Variants in COL6A2 observed in about 807,000 individuals in gnomAD.
COL6A2 encodes the protein collagen type VI alpha 2 chain.
Under a neutral mutation model 124.9 loss-of-function variants are expected in COL6A2, and 90 were observed. The ratio of observed to expected loss-of-function variants is 0.72; its 90% CI spans 0.61 to 0.86. The LOEUF is 0.86. Among genes scored for constraint, COL6A2 ranks in the 40% least tolerant of loss-of-function variants. COL6A2 has a pLI of 0.00. For missense variants in COL6A2, 1,607 were observed against 1,502.5 expected (o/e 1.07, Z -1.15); for synonymous variants, 793 against 618.2 (o/e 1.28, Z -4.19).
intron 1 of COL6A2, among the ~76,000 whole-genome samples, chr21:46,105,761 C>T (rs2123599512): frequency 6.6e-6 from 1 of 152,006 alleles, no homozygotes; most frequent in African/African-American, 2.4e-5. Flanking sequence ...TTAAATGTTT[C>T]ACCATCAAAA....
At chr21:46,112,859 G>C (rs199642692) in intron 4 of COL6A2, 35 bp downstream of exon 4, 1 of 1,613,100 alleles carries the variant, frequency 6.2e-7, no homozygotes, top group Non-Finnish European at 8.5e-7. Flanking sequence ...AGTGCTGGCC[G>C]GCAGCTGACC....
intron 21 of COL6A2, among the ~76,000 whole-genome samples, chr21:46,124,205 G>A (rs2078621796): frequency 6.7e-6 from 1 of 150,024 alleles, no homozygotes; most frequent in African/African-American, 2.4e-5. Flanking sequence ...TGGGTTAGTG[G>A]GTGGCTGGGT....
chr21:46,117,596 A>G, intron 11 of COL6A2, 143 bp downstream of exon 11: 1 of 909,150 alleles, frequency 1.1e-6, no homozygotes, highest in Non-Finnish European at 1.7e-6. Flanking sequence ...CCAGCCCAGC[A>G]TTCTGCCGGG....
At chr21:46,126,478 G>A in intron 26 of COL6A2, 25 bp from the exon 27 acceptor site, 2 of 1,612,842 alleles carry the variant, frequency 1.2e-6, no homozygotes, top group South Asian at 1.1e-5. Context: ...CCCTGGCCTG[G>A]CCCGGCCTCT....
In COL6A2 at chr21:46,116,254, T is replaced by G; in HGVS notation, c.901-123T>G. On this transcript the variant is annotated intron_variant, in intron 7 of 27. Coordinates refer to ENST00000300527, the MANE Select transcript of COL6A2 (RefSeq NM_001849.4). The surrounding 1 kb of genome is among the most constrained non-coding windows in gnomAD (Gnocchi z 4.6). Reference sequence around the variant, plus strand: ...GGGCTCAGCCTCCTCCGCAGACTGTTTGTCGAGAACACTAGATGCCAGCGG... The same window carrying G: ...GGGCTCAGCCTCCTCCGCAGACTGTGTGTCGAGAACACTAGATGCCAGCGG... The G allele has an allele frequency of 1.6e-6, 2 of 1,267,704 alleles. No homozygotes were observed. Among genetic ancestry groups the G allele is most frequent in the Non-Finnish European group, 2.2e-6 (2 of 890,108 alleles). 78.5% of individuals were successfully genotyped at this position (1,267,704 alleles called of 1,614,324 possible).
At chr21:46,128,666 C>G (rs948831820) in intron 27 of COL6A2, among the ~76,000 whole-genome samples, 1 of 152,202 alleles carries the variant, frequency 6.6e-6, no homozygotes, top group Non-Finnish European at 1.5e-5. Context: ...TGCATAGGGG[C>G]CACAGCGTAA....
chr21:46,121,777 G>A (rs1423601355), intron 18 of COL6A2, among the ~76,000 whole-genome samples, 159 bp downstream of exon 18: 2 of 152,120 alleles, frequency 1.3e-5, no homozygotes, highest in African/African-American at 4.8e-5. Flanking sequence ...GATGCCTCCG[G>A]GGTCCAGGAA....
chr21:46,101,862 T>C, intron 1 of COL6A2, among the ~76,000 whole-genome samples: 1 of 147,268 alleles, frequency 6.8e-6, no homozygotes, highest in African/African-American at 2.5e-5. Context: ...TTTTTTTTTT[T>C]TTTTTTTTTT....
At chr21:46,129,792 C>T (rs2078736710) in intron 27 of COL6A2, 1 of 1,251,846 alleles carries the variant, frequency 8.0e-7, no homozygotes, top group African/African-American at 1.5e-5. Context: ...TCGCAAGACC[C>T]TTAACTCACT....
Position 46,126,086 on chromosome 21 carries a change from C to A in COL6A2, c.2271C>A (p.Ile757=). The A allele has an allele frequency of 1.2e-6, 2 of 1,612,866 alleles. No homozygotes were observed. The highest frequency in any genetic ancestry group is 1.7e-6 in the Non-Finnish European group (2 of 1,180,018). Residue 757 remains isoleucine (I), a synonymous_variant, in exon 26 of 28, where the codon ATC becomes ATA. Transcript: ENST00000300527. ...LCDRDVTVTA[I]GIGDMFHEKH... is the part of the protein sequence containing the mutation. The stretch of plus-strand genomic sequence containing the variant: ...ACCGCGACGTCACAGTGACGGCCAT[C>A]GGCATCGGGGACATGTTCCACGAGA...
Position 46,124,578 on chromosome 21 carries a change from C to T in COL6A2, c.1672-73C>T, listed in dbSNP as rs2078629999. On this transcript the variant is annotated intron_variant, in intron 21 of 27. Transcript: ENST00000300527. Reference sequence around the variant, plus strand: ...AGGGAGGACCCGTGGTTGGGGACAGCACAGGGGGCCCTGCTGTGTGCAGGG... The same window carrying T: ...AGGGAGGACCCGTGGTTGGGGACAGTACAGGGGGCCCTGCTGTGTGCAGGG... 4 of 1,471,610 alleles carry T rather than the reference C, an allele frequency of 2.7e-6. No individual in the cohort carries two copies. In the East Asian group the frequency reaches 9.1e-5, roughly 33 times the overall value. The allele number at this position is 1,471,610 out of a possible 1,614,324, so 91.2% of individuals were successfully genotyped here. A position where few individuals can be genotyped will look rare whatever the true frequency, so the allele number is the denominator to read the frequency against.
chr21:46,129,033 G>T, intron 27 of COL6A2: 1 of 1,601,892 alleles, frequency 6.2e-7, no homozygotes. Flanking sequence ...CACGCCTCCT[G>T]CCAAGGCCGA....
Position 46,116,775 on chromosome 21 carries a change from CCCTGG to C in COL6A2, c.967_971del (p.Leu323TrpfsTer126), listed in dbSNP as rs780869723. The C allele has an allele frequency of 6.2e-7, 1 of 1,612,940 alleles. No individual in the cohort carries two copies. Among genetic ancestry groups the C allele is most frequent in the African/African-American group, 1.3e-5 (1 of 74,924 alleles). On this transcript the variant is annotated frameshift_variant, in exon 10 of 28. Coordinates refer to ENST00000300527, the MANE Select transcript of COL6A2 (RefSeq NM_001849.4). LOFTEE classifies it high-confidence loss of function. This position sits in a 1 kb window ranked among gnomAD's most constrained non-coding sequence, Gnocchi z 4.6. ...CCTCTTCCTTCTCTCTTCAGGGGGC[CCCTGG>C]CCTGGCTGGCAAGAACGGGACCGAT... is the stretch of plus-strand genomic sequence containing the variant.
At chr21:46,105,159 C>T (rs2078323646) in intron 1 of COL6A2, among the ~76,000 whole-genome samples, 1 of 152,196 alleles carries the variant, frequency 6.6e-6, no homozygotes, top group South Asian at 2.1e-4. Flanking sequence ...AGGAGGATAA[C>T]TTGAGCCCAG....
In COL6A2 at chr21:46,122,944, G is replaced by A. The variant is rs751089179; in HGVS notation, c.1671+7G>A. 1.9e-6 allele frequency: 3 copies of A among 1,612,908 alleles called. No individual in the cohort carries two copies. Among genetic ancestry groups the A allele is most frequent in the South Asian group, 1.1e-5 (1 of 91,080 alleles). On this transcript the variant is annotated splice_region_variant and intron_variant, in intron 21 of 27. Coordinates refer to ENST00000300527, the MANE Select transcript of COL6A2 (RefSeq NM_001849.4). ...AGGAGAGAAAGGAGAGCCTGTGAGTGTCACCGTCCCGAAGCCCACAGCAGC... is the reference window on the plus strand; with the variant it reads ...AGGAGAGAAAGGAGAGCCTGTGAGTATCACCGTCCCGAAGCCCACAGCAGC...
At chr21:46,127,117 C>G (rs983777688) in intron 27 of COL6A2, among the ~76,000 whole-genome samples, 4 of 152,108 alleles carry the variant, frequency 2.6e-5, no homozygotes, top group African/African-American at 9.7e-5. Context: ...GGTGCTGCCC[C>G]CATGGTGCAC....
Position 46,119,878 on chromosome 21 carries a change from G to A in COL6A2, c.1332+28G>A, listed in dbSNP as rs747643528. 4.5e-6 allele frequency: 7 copies of A among 1,547,794 alleles called. No homozygotes were observed. The South Asian group carries it at 8.3e-5, about 18-fold the overall frequency. ...GAGTCCTCGTGTGGAGGCAGCCCAG[G>A]GTCTCACTGTGGTGCCCATGGGCCC... On this transcript the variant is annotated intron_variant, in intron 15 of 27. Coordinates refer to ENST00000300527, the MANE Select transcript of COL6A2 (RefSeq NM_001849.4).
rs934017068 is a variant in COL6A2, at chr21:46,129,582, A to C, written c.2462-2372A>C. 4 of 1,448,798 alleles carry C rather than the reference A, an allele frequency of 2.8e-6. No individual in the cohort carries two copies. In the African/African-American group the frequency reaches 5.7e-5, roughly 21 times the overall value. The allele number at this position is 1,448,798 out of a possible 1,614,324, so 89.7% of individuals were successfully genotyped here. On this transcript the variant is annotated intron_variant, in intron 27 of 27. Transcript: ENST00000300527. The stretch of plus-strand genomic sequence containing the variant: ...GACAGGCTGGCTCTCAGTGGAGGCC[A>C]GAGATCTGGAATCGGGGTCAGCGGG...
chr21:46,124,993 G>A, intron 23 of COL6A2, 73 bp downstream of exon 23: 3 of 1,569,050 alleles, frequency 1.9e-6, no homozygotes, highest in Non-Finnish European at 1.8e-6. Context: ...CAGGGGTGGG[G>A]GAAGGTCAGC....
Sources: gnomAD v4.1 joint callset for allele counts (sites outside exome capture counted in the v4.1 genomes callset) on GRCh38, gnomAD v4.1.1 for gene constraint, Gnocchi (gnomAD v3.1) non-coding constraint, MANE v1.5 for transcripts, NCBI Gene and HGNC (gene_info 2026-07-23, HGNC 2026-07-21) for gene names.